The following RHOBTB1 variants were observed in gnomAD, a reference collection of about 807,000 sequenced individuals.
RHOBTB1 encodes Rho related BTB domain containing 1.
A neutral mutation model predicts 71.6 loss-of-function variants in RHOBTB1; 40 were observed. That is an observed-to-expected ratio of 0.56 (90% CI 0.43 to 0.73). The LOEUF (loss-of-function observed/expected upper bound fraction) is 0.73. Among genes scored for constraint, RHOBTB1 ranks in the 30% least tolerant of loss-of-function variants. The probability of loss-of-function intolerance (pLI) is 0.00; values close to 1 mark genes in which losing one functional copy is unlikely to be tolerated. For missense variants in RHOBTB1, 797 were observed against 894.0 expected (o/e 0.89, Z 1.38); for synonymous variants, 319 against 334.9 (o/e 0.95, Z 0.52).
chr10:60,867,553 G>A (rs552373163), downstream of RHOBTB1, among the ~76,000 whole-genome samples: 3 of 152,318 alleles, frequency 2.0e-5, no homozygotes, highest in East Asian at 5.8e-4. Context: ...ATTCTTTCAC[G>A]TCTGTGGATA....
At chr10:60,882,737 C>T (rs1016494234) in intron 7 of RHOBTB1, among the ~76,000 whole-genome samples, 2 of 152,070 alleles carry the variant, frequency 1.3e-5, no homozygotes, top group African/African-American at 4.8e-5. Flanking sequence ...AATCATGGAG[C>T]ATTAACTGAG....
intron 2 of RHOBTB1, among the ~76,000 whole-genome samples, chr10:60,920,078 G>C (rs1430862554): frequency 6.6e-6 from 1 of 152,130 alleles, no homozygotes; most frequent in Non-Finnish European, 1.5e-5. Context: ...CCTCTCCTTT[G>C]ACAATTTGCC....
At chr10:60,958,133 G>C (rs2085657664) in intron 2 of RHOBTB1, among the ~76,000 whole-genome samples, 1 of 152,146 alleles carries the variant, frequency 6.6e-6, no homozygotes, top group African/African-American at 2.4e-5. Flanking sequence ...AAAGGAGGTA[G>C]AAAAGTCAAG....
intron 4 of RHOBTB1, among the ~76,000 whole-genome samples, chr10:60,903,412 A>G (rs1243830493): frequency 6.6e-6 from 1 of 152,170 alleles, no homozygotes; most frequent in Non-Finnish European, 1.5e-5. Context: ...TTGATCACTC[A>G]ACTCGGCACC....
chr10:60,881,384 T>A (rs979426411), intron 7 of RHOBTB1, among the ~76,000 whole-genome samples: 3 of 152,224 alleles, frequency 2.0e-5, no homozygotes, highest in African/African-American at 7.2e-5. Context: ...ATAGTGAAAG[T>A]ATCCACATTT....
chr10:60,951,047 T>C (rs1370140230), intron 2 of RHOBTB1, among the ~76,000 whole-genome samples: 1 of 152,198 alleles, frequency 6.6e-6, no homozygotes, highest in Admixed American at 6.5e-5. Flanking sequence ...ACAAACACCC[T>C]ACTTCAGAAA....
At chr10:60,950,035 T>C (rs1242133432) in intron 2 of RHOBTB1, among the ~76,000 whole-genome samples, 1 of 152,214 alleles carries the variant, frequency 6.6e-6, no homozygotes, top group Non-Finnish European at 1.5e-5. Context: ...ATTTTGCAAA[T>C]TCTGCAACTC....
downstream of RHOBTB1, among the ~76,000 whole-genome samples, chr10:60,868,293 A>C (rs1030962021): frequency 1.3e-5 from 2 of 151,776 alleles, no homozygotes; most frequent in African/African-American, 2.4e-5. Flanking sequence ...CTATCTCTCT[A>C]TCTATCTATC....
chr10:60,936,288 CA>C (rs2084578665), intron 2 of RHOBTB1, among the ~76,000 whole-genome samples: 1 of 152,034 alleles, frequency 6.6e-6, no homozygotes. Flanking sequence ...AAGAGTTCTG[CA>C]AAAAACAACA....
intron 1 of RHOBTB1, among the ~76,000 whole-genome samples, chr10:60,993,590 G>C (rs2086943354): frequency 6.6e-6 from 1 of 152,004 alleles, no homozygotes; most frequent in Non-Finnish European, 1.5e-5. Flanking sequence ...TAAATTTTCA[G>C]TATGAATCTC....
At chr10:60,930,981 A>T (rs1020876146) in intron 2 of RHOBTB1, among the ~76,000 whole-genome samples, 17 of 151,750 alleles carry the variant, frequency 1.1e-4, no homozygotes, top group African/African-American at 3.9e-4. Context: ...TATCTCTGTC[A>T]TGTAACAGGA....
intron 2 of RHOBTB1, among the ~76,000 whole-genome samples, chr10:60,919,657 AGAGT>A (rs1340851829): frequency 6.6e-6 from 1 of 152,234 alleles, no homozygotes; most frequent in Admixed American, 6.5e-5. Flanking sequence ...AAAAAAGAAA[AGAGT>A]AAGTAACAGA....
At chr10:60,923,651 A>T (rs1452860743) in intron 2 of RHOBTB1, among the ~76,000 whole-genome samples, 1 of 152,192 alleles carries the variant, frequency 6.6e-6, no homozygotes, top group Non-Finnish European at 1.5e-5. Flanking sequence ...TCCAAATCTC[A>T]TCCTGAATTG....
At chr10:60,906,378 A>C (rs1311882885) in intron 4 of RHOBTB1, among the ~76,000 whole-genome samples, 2 of 152,246 alleles carry the variant, frequency 1.3e-5, no homozygotes, top group Non-Finnish European at 2.9e-5. Flanking sequence ...CAGAGCTCGT[A>C]ATAGATGGTG....
chr10:60,994,678 T>C (rs1484656624), intron 1 of RHOBTB1, among the ~76,000 whole-genome samples: 1 of 152,110 alleles, frequency 6.6e-6, no homozygotes, highest in Admixed American at 6.6e-5. Flanking sequence ...TCAATAAATA[T>C]TTGAGTCTAC....
At chr10:60,866,187 G>T (rs140357435), downstream of RHOBTB1, among the ~76,000 whole-genome samples, 188 of 152,236 alleles carry the variant, frequency 1.2e-3, 1 homozygote, top group African/African-American at 4.2e-3. Flanking sequence ...TCACTGTAGC[G>T]CCAAGGAATG....
chr10:60,913,595 AGTGTCTGGAAAC>A (rs1293384666), intron 2 of RHOBTB1, among the ~76,000 whole-genome samples: 1 of 152,186 alleles, frequency 6.6e-6, no homozygotes, highest in East Asian at 1.9e-4. Context: ...GGAACACTGC[AGTGTCTGGAAAC>A]GTGTCTGGTT....
chr10:60,875,018 G>A lies in RHOBTB1; in HGVS notation c.1751C>T (p.Thr584Ile). 6.2e-7 allele frequency: 1 copy of A among 1,614,086 alleles called. No homozygotes were observed. The highest frequency in any genetic ancestry group is 1.1e-5 in the South Asian group (1 of 91,074). Residue 584 changes from threonine (T) to isoleucine (I), a missense_variant, in exon 9 of 11, where the codon ACC becomes ATC. Coordinates refer to ENST00000337910, the MANE Select transcript of RHOBTB1 (RefSeq NM_014836.5). The stretch of plus-strand genomic sequence containing the variant: ...GCCCACGCCACTCGTGGCGGCTTTG[G>A]TCAACTCCTGAACGGCATGCTGTTC... ...LAEQHAVQEL[T>I]KAATSGVGID...
At chr10:60,991,833 C>T (rs1329395579) in intron 1 of RHOBTB1, among the ~76,000 whole-genome samples, 1 of 152,126 alleles carries the variant, frequency 6.6e-6, no homozygotes, top group Non-Finnish European at 1.5e-5. Context: ...GCCTGTGCAT[C>T]ATTTGGATCT....
Sources: allele counts gnomAD v4.1 joint callset (sites outside exome capture counted in the v4.1 genomes callset), GRCh38; gene constraint gnomAD v4.1.1; transcripts MANE v1.5; gene names NCBI Gene and HGNC (gene_info 2026-07-23, HGNC 2026-07-21).